The following MGAM variants were observed in gnomAD, a reference collection of about 807,000 sequenced individuals.
The protein encoded by MGAM is alpha-1,4-glucosidase.
A neutral mutation model predicts 358.8 loss-of-function variants in MGAM; 253 were observed. That is an observed-to-expected ratio of 0.71 (90% confidence interval 0.64 to 0.78). MGAM has a LOEUF of 0.78. MGAM is among the 30% of genes least tolerant of loss of function. MGAM has a pLI of 0.00. For missense variants in MGAM, 3,080 were observed against 3,432.6 expected, an observed-to-expected ratio of 0.90 and a Z score of 2.57; for synonymous variants, 1,105 against 1,227.1, an observed-to-expected ratio of 0.90 and a Z score of 2.08.
At chr7:142,017,419 A>T (rs1262203652) in intron 3 of MGAM, among the ~76,000 whole-genome samples, 1 of 152,130 alleles carries the variant, frequency 6.6e-6, no homozygotes, top group African/African-American at 2.4e-5. Flanking sequence ...GTCTTGCACC[A>T]TGTCTCTTCC....
chr7:142,097,595 T>C lies in MGAM; in HGVS notation c.7695T>C (p.Asn2565=). The C allele has an allele frequency of 6.2e-7, 1 of 1,612,780 alleles. No homozygotes were observed. Among genetic ancestry groups the C allele is most frequent in the Non-Finnish European group, 8.5e-7 (1 of 1,178,798 alleles). Residue 2565 remains asparagine, a splice_region_variant and synonymous_variant, in exon 66 of 71, where the codon AAT becomes AAC. Transcript: ENST00000475668. Reference sequence around the variant, plus strand: ...ACCTTGTTTATGTTTCATTTTAGAATGCCAGAAATGTCACTGCATATTTCC... The same window carrying C: ...ACCTTGTTTATGTTTCATTTTAGAACGCCAGAAATGTCACTGCATATTTCC... ...AFLVSPVLER[N]ARNVTAYFPR...
intron 1 of MGAM, among the ~76,000 whole-genome samples, chr7:141,998,609 G>A (rs1389923471): frequency 6.6e-6 from 1 of 152,152 alleles, no homozygotes; most frequent in Non-Finnish European, 1.5e-5. Context: ...TGACTGCATA[G>A]TATTTCATGG....
At position 142,092,501 on chromosome 7, in the gene MGAM, T is replaced by G. The variant is rs1363948464; in HGVS notation, c.6946-20T>G. Reference sequence around the variant, plus strand: ...TAATTATCTTAAAAAGTGAGGTATGTCTGTGTTTGGCATTTCTAGGATATG... The same window carrying G: ...TAATTATCTTAAAAAGTGAGGTATGGCTGTGTTTGGCATTTCTAGGATATG... On this transcript the variant is annotated intron_variant, in intron 58 of 70. Transcript: ENST00000475668. 18 of 1,524,832 alleles carry G rather than the reference T, an allele frequency of 1.2e-5. 3 individuals carry two copies. The Admixed American group carries it at 2.5e-4, about 21-fold the overall frequency. The allele number at this position is 1,524,832 out of a possible 1,614,324, so 94.5% of individuals were successfully genotyped here.
At chr7:141,999,379 G>T (rs183429367) in intron 1 of MGAM, among the ~76,000 whole-genome samples, 90 of 152,314 alleles carry the variant, frequency 5.9e-4, no homozygotes, top group Non-Finnish European at 9.8e-4. Flanking sequence ...GGTGTACACT[G>T]TGGGGCATTA....
At chr7:142,090,334 C>G (rs143611560) in intron 57 of MGAM, among the ~76,000 whole-genome samples, 7,055 of 145,470 alleles carry the variant, frequency 0.048, 1,145 homozygotes, top group Non-Finnish European at 0.076. Flanking sequence ...GGCTGATAAT[C>G]TCTTTATTCT....
intron 44 of MGAM, among the ~76,000 whole-genome samples, chr7:142,072,120 A>G (rs1248866193): frequency 6.8e-6 from 1 of 146,098 alleles, no homozygotes; most frequent in African/African-American, 2.4e-5. Flanking sequence ...GATTTTTCCA[A>G]AATGAAAATC....
intron 3 of MGAM, among the ~76,000 whole-genome samples, chr7:142,009,097 C>A (rs1554453554): frequency 6.6e-6 from 1 of 152,080 alleles, no homozygotes; most frequent in Non-Finnish European, 1.5e-5. Context: ...CTGTTCATGC[C>A]CTGTATGTCT....
chr7:142,091,052 G>C (rs1426156955), intron 57 of MGAM, among the ~76,000 whole-genome samples: 1 of 145,348 alleles, frequency 6.9e-6, no homozygotes, highest in Non-Finnish European at 1.6e-5. Context: ...TTTGAGACCA[G>C]CCTGAACAAC....
In MGAM at chr7:142,090,610, T is replaced by C. The variant is rs772922683; in HGVS notation, c.6811-1303T>C. Among the ~76,000 whole-genome samples the C allele has an allele frequency of 7.5e-5, 11 of 145,760 alleles. 2 individuals carry two copies. Among genetic ancestry groups the C allele is most frequent in the Admixed American group, 4.1e-4 (6 of 14,464 alleles). On this transcript the variant is annotated intron_variant, in intron 57 of 70. Coordinates refer to ENST00000475668, the MANE Select transcript of MGAM (RefSeq NM_001365693.1). Reference sequence around the variant, plus strand: ...CTTGCCCTTTATGTAGACATATGGGTTCCTACCTGCCTTTTGTCTATTGTG... The same window carrying C: ...CTTGCCCTTTATGTAGACATATGGGCTCCTACCTGCCTTTTGTCTATTGTG...
rs571166447 is a variant in MGAM at position 142,025,600 on chromosome 7, G to A, written c.982+451G>A. On this transcript the variant is annotated intron_variant, in intron 8 of 70. Coordinates refer to ENST00000475668, the MANE Select transcript of MGAM (RefSeq NM_001365693.1). Reference sequence around the variant, plus strand: ...TACCTTTTCTTAATTGAGAGTCATCGATTCAATCAGTGCTCCTCAAAGTGT... The same window carrying A: ...TACCTTTTCTTAATTGAGAGTCATCAATTCAATCAGTGCTCCTCAAAGTGT... 9.2e-5 allele frequency among the ~76,000 whole-genome samples: 14 copies of A among 152,244 alleles called. No homozygotes were observed. In the South Asian group the frequency reaches 1.7e-3, roughly 18 times the overall value.
chr7:142,072,299 A>T lies in MGAM; in HGVS notation c.5186+1181A>T, dbSNP rs73740266. Among the ~76,000 whole-genome samples the T allele has an allele frequency of 4.1e-5, 6 of 145,896 alleles. 1 individual carries two copies. The highest frequency in any genetic ancestry group is 7.3e-5 in the African/African-American group (3 of 41,098). On this transcript the variant is annotated intron_variant, in intron 44 of 70. Transcript: ENST00000475668. ...AACTGGCGATTTCCCAAACATACCCATGTATTTTACTGCATGTGGGCTTTT... is the reference window on the plus strand; with the variant it reads ...AACTGGCGATTTCCCAAACATACCCTTGTATTTTACTGCATGTGGGCTTTT...
chr7:142,081,748 G>A (rs1814314957), intron 50 of MGAM, among the ~76,000 whole-genome samples: 1 of 145,818 alleles, frequency 6.9e-6, no homozygotes, highest in Non-Finnish European at 1.6e-5. Context: ...TGCAAGGGTG[G>A]AAGGCAGTGC....
At chr7:142,050,612 G>A (rs528478773) in intron 23 of MGAM, 85 bp from the exon 24 acceptor site, 29 of 1,372,742 alleles carry the variant, frequency 2.1e-5, no homozygotes, top group African/African-American at 4.3e-5. Flanking sequence ...GGGGGTATCC[G>A]GTCTGGAATG....
At chr7:142,020,946 T>C (rs1009252942) in intron 4 of MGAM, 28 bp from the exon 5 acceptor site, 4 of 1,518,120 alleles carry the variant, frequency 2.6e-6, no homozygotes, top group Non-Finnish European at 3.7e-6. Flanking sequence ...GAGTCAACTA[T>C]GAAAACCTTT....
chr7:142,063,917 C>G (rs548216255), intron 36 of MGAM, among the ~76,000 whole-genome samples: 3 of 152,204 alleles, frequency 2.0e-5, no homozygotes, highest in Admixed American at 6.5e-5. Context: ...GTGGAAATTA[C>G]TGGCTTCCCC....
At chr7:142,051,896 T>C (rs1449197686) in intron 24 of MGAM, among the ~76,000 whole-genome samples, 2 of 152,188 alleles carry the variant, frequency 1.3e-5, no homozygotes, top group East Asian at 1.9e-4. Flanking sequence ...ATTGCTGTGC[T>C]CTTTCTACCA....
At chr7:142,102,478 A>G (rs1031612950) in intron 68 of MGAM, among the ~76,000 whole-genome samples, 152 bp from the exon 69 acceptor site, 2 of 152,254 alleles carry the variant, frequency 1.3e-5, no homozygotes, top group African/African-American at 4.8e-5. Context: ...ACATTTTAAA[A>G]TAGAACACTC....
chr7:142,054,632 A>T (rs1037671322), intron 26 of MGAM, 122 bp from the exon 27 acceptor site: 1 of 1,102,256 alleles, frequency 9.1e-7, no homozygotes, highest in Non-Finnish European at 1.3e-6. Flanking sequence ...TAAATCTCAG[A>T]TATCATAAAG....
intron 49 of MGAM, among the ~76,000 whole-genome samples, chr7:142,080,341 G>T (rs1037865939): frequency 6.8e-6 from 1 of 146,108 alleles, no homozygotes; most frequent in Non-Finnish European, 1.5e-5. Flanking sequence ...TGTCAGGCAG[G>T]GATGTAGTAG....
Sources: gnomAD v4.1 joint callset for allele counts (sites outside exome capture counted in the v4.1 genomes callset) on GRCh38, gnomAD v4.1.1 for gene constraint, MANE v1.5 for transcripts, NCBI Gene and HGNC (gene_info 2026-07-23, HGNC 2026-07-21) for gene names.